The following FBLN1 variants were observed in gnomAD, a reference collection of about 807,000 sequenced individuals.
FBLN1 encodes the protein fibulin-1.
Under a neutral mutation model 89.7 loss-of-function variants are expected in FBLN1, and 34 were observed. The ratio of observed to expected loss-of-function variants is 0.38; its 90% confidence interval spans 0.29 to 0.50. The LOEUF (loss-of-function observed/expected upper bound fraction) is 0.50, where lower values mean the gene tolerates loss of function less well. Ranked by LOEUF, FBLN1 falls within the 20% of genes least tolerant of loss-of-function variation. The probability of loss-of-function intolerance (pLI) is 0.92; values close to 1 mark genes in which losing one functional copy is unlikely to be tolerated. For synonymous variants in FBLN1, 393 were observed against 391.3 expected (o/e 1.00, Z -0.05); for missense variants, 777 against 988.1 (o/e 0.79, Z 2.86).
At chr22:45,547,052 G>T in intron 11 of FBLN1, 33 bp from the exon 12 acceptor site, 2 of 1,613,736 alleles carry the variant, frequency 1.2e-6, no homozygotes, top group Non-Finnish European at 1.7e-6. Flanking sequence ...GACGTATGAT[G>T]CTCTGAGCGG....
rs553437713 is a variant in FBLN1, at chr22:45,579,188, G to C, written c.1972+2080G>C. Among the ~76,000 whole-genome samples, 14 of 152,362 alleles carry C rather than the reference G, an allele frequency of 9.2e-5. No individual in the cohort carries two copies. The South Asian group carries it at 2.9e-3, about 32-fold the overall frequency. ...ATCTGCTCCAGACAGAACCAACCTG[G>C]GAGTGTCTGTTTCTCAGCTTCCCAT... On this transcript the variant is annotated intron_variant, in intron 16 of 16. Coordinates refer to ENST00000327858, the MANE Select transcript of FBLN1 (RefSeq NM_006486.3). This position sits in a 1 kb window ranked among gnomAD's most constrained non-coding sequence, Gnocchi z 5.5.
chr22:45,519,902 G>A (rs905570792), intron 2 of FBLN1, among the ~76,000 whole-genome samples: 58 of 152,194 alleles, frequency 3.8e-4, no homozygotes, highest in African/African-American at 1.3e-3. Context: ...GGGCGCGGTG[G>A]CTCACCCCTG....
In FBLN1 at chr22:45,532,870, G is replaced by T. The variant is rs772936741; in HGVS notation, c.545-193G>T. 4 of 619,584 alleles carry T rather than the reference G, an allele frequency of 6.5e-6. No homozygotes were observed. Among genetic ancestry groups the T allele is most frequent in the Non-Finnish European group, 1.2e-5 (4 of 345,992 alleles). The allele number at this position is 619,584 out of a possible 1,614,324, so 38.4% of individuals were successfully genotyped here. ...GGGGAGGTTGGGACCTGAAGCAGCAGCCCCTGGGGGGTGTCCAGAGCCAGA... is the reference window on the plus strand; with the variant it reads ...GGGGAGGTTGGGACCTGAAGCAGCATCCCCTGGGGGGTGTCCAGAGCCAGA... On this transcript the variant is annotated intron_variant, in intron 5 of 16. Coordinates refer to ENST00000327858, the MANE Select transcript of FBLN1 (RefSeq NM_006486.3). The surrounding 1 kb of genome is among the most constrained non-coding windows in gnomAD (Gnocchi z 4.2).
rs2089012089 is a variant in FBLN1 at position 45,577,966 on chromosome 22, C to T, written c.1972+858C>T. ...CAGTCATGGGAAATGAAAACGGTGGCATCTGCCATTTTGGACTCGGATTTA... is the reference window on the plus strand; with the variant it reads ...CAGTCATGGGAAATGAAAACGGTGGTATCTGCCATTTTGGACTCGGATTTA... On this transcript the variant is annotated intron_variant, in intron 16 of 16. Transcript: ENST00000327858. The surrounding 1 kb of genome is among the most constrained non-coding windows in gnomAD (Gnocchi z 6.6). 1 of 152,590 alleles carries T rather than the reference C, an allele frequency of 6.6e-6. No individual in the cohort carries two copies. The highest frequency in any genetic ancestry group is 1.5e-5 in the Non-Finnish European group (1 of 68,358). 9.5% of individuals were successfully genotyped at this position (152,590 alleles called of 1,614,324 possible). A position where few individuals can be genotyped will look rare whatever the true frequency, so the allele number is the denominator to read the frequency against.
chr22:45,552,917 T>G (rs2088723690), intron 14 of FBLN1, among the ~76,000 whole-genome samples: 2 of 152,076 alleles, frequency 1.3e-5, no homozygotes, highest in South Asian at 4.1e-4. Context: ...CTTTATCCCC[T>G]CAGTGGGGCC....
intron 1 of FBLN1, chr22:45,517,820 A>G (rs2088189840): frequency 1.1e-5 from 4 of 360,432 alleles, no homozygotes; most frequent in South Asian, 8.4e-5. Flanking sequence ...TGTGGGTCAC[A>G]GAAGCTGGTC....
intron 13 of FBLN1, 101 bp downstream of exon 13, chr22:45,548,845 AG>A: frequency 6.5e-7 from 1 of 1,548,716 alleles, no homozygotes; most frequent in Non-Finnish European, 8.7e-7. Context: ...CCCCAACCCA[AG>A]GGCCACAGCA....
chr22:45,563,404 G>T lies in FBLN1; in HGVS notation c.1698-11107G>T, dbSNP rs1602212297. On this transcript the variant is annotated intron_variant, in intron 14 of 16. Transcript: ENST00000327858. This position sits in a 1 kb window ranked among gnomAD's most constrained non-coding sequence, Gnocchi z 5.7. ...TTTTATTTGGCATGGTTGGGAGTCT[G>T]TGCCGCTTGTTACCCGGGGGTGAGC... The T allele has an allele frequency of 6.6e-7, 1 of 1,517,330 alleles. No homozygotes were observed. The highest frequency in any genetic ancestry group is 2.4e-5 in the East Asian group (1 of 40,880). 94.0% of individuals were successfully genotyped at this position (1,517,330 alleles called of 1,614,324 possible).
Position 45,548,505 on chromosome 22 carries a change from G to T in FBLN1, c.1442-108G>T, listed in dbSNP as rs922859686. On this transcript the variant is annotated intron_variant, in intron 12 of 16. Transcript: ENST00000327858. ...GCTTCCTGTGTTCAGCTTGTCCTGTGCTGCTGCCCTCCCGGGCCCCAGTGC... is the reference window on the plus strand; with the variant it reads ...GCTTCCTGTGTTCAGCTTGTCCTGTTCTGCTGCCCTCCCGGGCCCCAGTGC... 3.6e-5 allele frequency: 53 copies of T among 1,474,022 alleles called. No homozygotes were observed. In the Middle Eastern group the frequency reaches 5.9e-4, roughly 16 times the overall value. The allele number at this position is 1,474,022 out of a possible 1,614,324, so 91.3% of individuals were successfully genotyped here. A position where few individuals can be genotyped will look rare whatever the true frequency, so the allele number is the denominator to read the frequency against.
At position 45,588,367 on chromosome 22, in the gene FBLN1, A is replaced by T. The variant is rs1454563017; in HGVS notation, c.1972+11259A>T. 6.6e-6 allele frequency among the ~76,000 whole-genome samples: 1 copy of T among 152,148 alleles called. No individual in the cohort carries two copies. Among genetic ancestry groups the T allele is most frequent in the Non-Finnish European group, 1.5e-5 (1 of 68,026 alleles). ...TTGTGCTGGGGGGAGGGGTGTCGTG[A>T]AAAGGGAAACACCAGGAGTTGTGGC... On this transcript the variant is annotated intron_variant, in intron 16 of 16. Transcript: ENST00000327858. This position sits in a 1 kb window ranked among gnomAD's most constrained non-coding sequence, Gnocchi z 5.1.
chr22:45,524,026 TTA>T (rs2088286957), intron 2 of FBLN1, among the ~76,000 whole-genome samples: 1 of 152,148 alleles, frequency 6.6e-6, no homozygotes, highest in African/African-American at 2.4e-5. Context: ...TGAAACGCCG[TTA>T]TTTGCAAATC....
Position 45,572,080 on chromosome 22 carries a change from T to C in FBLN1, c.1698-2431T>C, listed in dbSNP as rs2088957578. Among the ~76,000 whole-genome samples, 1 of 151,896 alleles carries C rather than the reference T, an allele frequency of 6.6e-6. No homozygotes were observed. Among genetic ancestry groups the C allele is most frequent in the African/African-American group, 2.4e-5 (1 of 41,332 alleles). ...GGAGGTGGAGGTTGCAGTGAGCCGA[T>C]ATCGCACCACAGCACTCCAGCCTGG... On this transcript the variant is annotated intron_variant, in intron 14 of 16. Transcript: ENST00000327858. The surrounding 1 kb of genome is among the most constrained non-coding windows in gnomAD (Gnocchi z 5.8).
intron 12 of FBLN1, among the ~76,000 whole-genome samples, 182 bp downstream of exon 12, chr22:45,547,386 GTTTTTTTTTTTTTTTTT>G (rs5845717): frequency 1.1e-4 from 6 of 53,676 alleles, no homozygotes; most frequent in Non-Finnish European, 1.8e-4. Flanking sequence ...TCCAACTGAG[GTTTTTTTTTTTTTTTTT>G]TTTTTTTTTT....
chr22:45,577,140 G>A lies in FBLN1; in HGVS notation c.1972+32G>A. The A allele has an allele frequency of 6.2e-7, 1 of 1,612,424 alleles. No homozygotes were observed. The highest frequency in any genetic ancestry group is 8.5e-7 in the Non-Finnish European group (1 of 1,179,490). On this transcript the variant is annotated intron_variant, in intron 16 of 16. Coordinates refer to ENST00000327858, the MANE Select transcript of FBLN1 (RefSeq NM_006486.3). The surrounding 1 kb of genome is among the most constrained non-coding windows in gnomAD (Gnocchi z 6.6). ...GGCTGGGAATATCAGCTCTATCCAG[G>A]CACCCCTCCCCCTCCACCCCGAAAC...
chr22:45,558,210 A>G, intron 14 of FBLN1: 1 of 653,098 alleles, frequency 1.5e-6, no homozygotes, highest in South Asian at 1.7e-5. Context: ...CTCAAGCCCG[A>G]TCACGTATAT....
rs1057432584 is a variant in FBLN1, at chr22:45,576,549, G to A, written c.1841-428G>A. The stretch of plus-strand genomic sequence containing the variant: ...CACCCCCCAGAGAACCCAGGCCACC[G>A]CTCAGGGTGGCCCCCCTGACCTGTG... On this transcript the variant is annotated intron_variant, in intron 15 of 16. Transcript: ENST00000327858. This position sits in a 1 kb window ranked among gnomAD's most constrained non-coding sequence, Gnocchi z 5.2. Among the ~76,000 whole-genome samples, 7 of 152,008 alleles carry A rather than the reference G, an allele frequency of 4.6e-5. No homozygotes were observed. The highest frequency in any genetic ancestry group is 1.9e-4 in the East Asian group (1 of 5,160).
rs1036300062 is a variant in FBLN1 at position 45,533,957 on chromosome 22, G to A, written c.784+59G>A. 9 of 1,607,206 alleles carry A rather than the reference G, an allele frequency of 5.6e-6. No individual in the cohort carries two copies. The Admixed American group carries it at 1.5e-4, about 27-fold the overall frequency. On this transcript the variant is annotated intron_variant, in intron 7 of 16. Transcript: ENST00000327858. The stretch of plus-strand genomic sequence containing the variant: ...CTTCCAGGCGTAGATACGGCGCGGT[G>A]GGAAGGGCAGCTCTGGGGTCTGGGC...
chr22:45,543,846 C>G (rs2088591239), intron 11 of FBLN1, among the ~76,000 whole-genome samples: 1 of 152,210 alleles, frequency 6.6e-6, no homozygotes, highest in Admixed American at 6.5e-5. Context: ...CCCGACCTCT[C>G]CCTGCCTCCG....
In FBLN1 at chr22:45,581,636, C is replaced by T. The variant is rs1178257528; in HGVS notation, c.1972+4528C>T. Among the ~76,000 whole-genome samples, 1 of 152,106 alleles carries T rather than the reference C, an allele frequency of 6.6e-6. No homozygotes were observed. Among genetic ancestry groups the T allele is most frequent in the Middle Eastern group, 3.4e-3 (1 of 294 alleles). On this transcript the variant is annotated intron_variant, in intron 16 of 16. Transcript: ENST00000327858. The surrounding 1 kb of genome is among the most constrained non-coding windows in gnomAD (Gnocchi z 7.6). The stretch of plus-strand genomic sequence containing the variant: ...GGGCCTCCCGGGTTGCAGGGAGCTA[C>T]GGAGTTGTCTTTGTAGTTTTTTGCA...
Sources: gnomAD v4.1 joint callset for allele counts (sites outside exome capture counted in the v4.1 genomes callset) on GRCh38, gnomAD v4.1.1 for gene constraint, Gnocchi (gnomAD v3.1) non-coding constraint, MANE v1.5 for transcripts, NCBI Gene and HGNC (gene_info 2026-07-23, HGNC 2026-07-21) for gene names.